The following MTRR variants were observed in gnomAD, a reference collection of about 807,000 sequenced individuals.
MTRR encodes methionine synthase reductase.
A neutral mutation model predicts 79.2 loss-of-function variants in MTRR; 63 were observed. The ratio of observed to expected loss-of-function variants is 0.80; its 90% CI spans 0.65 to 0.98. MTRR has a LOEUF of 0.98. MTRR is among the 50% of genes least tolerant of loss of function. The probability of loss-of-function intolerance (pLI) is 0.00; values close to 1 mark genes in which losing one functional copy is unlikely to be tolerated. For synonymous variants in MTRR, 355 were observed against 313.3 expected (o/e 1.13, Z -1.41); for missense variants, 895 against 839.6 (o/e 1.07, Z -0.82).
intron 12 of MTRR, among the ~76,000 whole-genome samples, chr5:7,896,053 T>C (rs967021270): frequency 6.6e-6 from 1 of 152,248 alleles, no homozygotes; most frequent in African/African-American, 2.4e-5. Context: ...CTTCCTTTTT[T>C]ACTGTGGCAC....
At chr5:7,862,713 C>A in intron 2 of MTRR, 1 of 912,430 alleles carries the variant, frequency 1.1e-6, no homozygotes, top group East Asian at 2.4e-5. Context: ...GGGAAGGGAC[C>A]ATTCCATTTT....
intron 11 of MTRR, among the ~76,000 whole-genome samples, chr5:7,895,486 T>G (rs1051718338): frequency 6.6e-6 from 1 of 152,190 alleles, no homozygotes; most frequent in Non-Finnish European, 1.5e-5. Context: ...GAGTTCTACC[T>G]CAAAGACACC....
intron 8 of MTRR, among the ~76,000 whole-genome samples, 159 bp downstream of exon 8, chr5:7,886,862 G>GT (rs1736560959): frequency 6.6e-6 from 1 of 152,118 alleles, no homozygotes. Context: ...TGCTATCATC[G>GT]TAACTATCAT....
chr5:7,885,911 TG>T lies in MTRR; in HGVS notation c.1057+59del, dbSNP rs748314831. 23 of 1,609,292 alleles carry T rather than the reference TG, an allele frequency of 1.4e-5. No homozygotes were observed. The East Asian group carries it at 3.8e-4, about 27-fold the overall frequency. ...TTGTGGGCCAGTGGACTGGAGCTGA[TG>T]GTGAGAGTGTGGCTCTAAGGTTCAG... is the stretch of plus-strand genomic sequence containing the variant. On this transcript the variant is annotated intron_variant, in intron 7 of 14. Transcript: ENST00000440940.
intron 6 of MTRR, among the ~76,000 whole-genome samples, chr5:7,884,961 T>C (rs566122971): frequency 3.9e-4 from 60 of 152,308 alleles, no homozygotes; most frequent in African/African-American, 1.3e-3. Context: ...TTTATTCTGG[T>C]ATTTTACATT....
intron 3 of MTRR, among the ~76,000 whole-genome samples, chr5:7,873,966 C>T (rs1290358540): frequency 6.6e-6 from 1 of 152,192 alleles, no homozygotes; most frequent in Admixed American, 6.5e-5. Context: ...CCCAGCTACA[C>T]ATCAGGATTA....
At chr5:7,859,541 T>A in intron 1 of MTRR, 1 of 1,574,408 alleles carries the variant, frequency 6.4e-7, no homozygotes, top group South Asian at 1.2e-5. Flanking sequence ...ATAGGGGATC[T>A]GTAAAGGTAG....
chr5:7,898,548 G>A (rs1429267357), intron 14 of MTRR, among the ~76,000 whole-genome samples: 1 of 152,208 alleles, frequency 6.6e-6, no homozygotes, highest in Non-Finnish European at 1.5e-5. Context: ...CAGGAACAAA[G>A]TAGACAGAAG....
upstream of MTRR, chr5:7,867,937 T>C: frequency 6.2e-7 from 1 of 1,614,174 alleles, no homozygotes; most frequent in Admixed American, 1.7e-5. Context: ...AAGGCTCAGG[T>C]TGTCGTGAAC....
rs1561305863 is a variant in MTRR at position 7,900,069 on chromosome 5, TA to T, written c.*14del. 6.2e-7 allele frequency: 1 copy of T among 1,613,008 alleles called. No individual in the cohort carries two copies. The highest frequency in any genetic ancestry group is 8.5e-7 in the Non-Finnish European group (1 of 1,179,784). On this transcript the variant is annotated 3_prime_UTR_variant, in exon 15 of 15. Coordinates refer to ENST00000440940, the MANE Select transcript of MTRR (RefSeq NM_002454.3). Reference sequence around the variant, plus strand: ...GATATTTGGTCATAAAACCAGAAATTAAAGAAAGAGGATTAAGCTTTTTTGA... The same window carrying T: ...GATATTTGGTCATAAAACCAGAAATTAAGAAAGAGGATTAAGCTTTTTTGA...
Position 7,875,387 on chromosome 5 carries a change from G to C in MTRR, c.401+12G>C. The C allele has an allele frequency of 6.3e-7, 1 of 1,583,898 alleles. No individual in the cohort carries two copies. The highest frequency in any genetic ancestry group is 8.7e-7 in the Non-Finnish European group (1 of 1,152,566). On this transcript the variant is annotated intron_variant, in intron 4 of 14. Coordinates refer to ENST00000440940, the MANE Select transcript of MTRR (RefSeq NM_002454.3). ...GATGACTGTGTAGGGTAAGGGCAGT[G>C]TTCTCTGTTTACTCCAATAAGCCCT...
At chr5:7,875,505 C>T in intron 4 of MTRR, 130 bp downstream of exon 4, 1 of 871,908 alleles carries the variant, frequency 1.1e-6, no homozygotes, top group Non-Finnish European at 1.9e-6. Context: ...GCTTTTTTAG[C>T]TTTAGGATCC....
upstream of MTRR, chr5:7,869,138 G>T: frequency 6.2e-7 from 1 of 1,613,420 alleles, no homozygotes; most frequent in African/African-American, 1.3e-5. Flanking sequence ...CCGAGCATGG[G>T]CGCTGCGTCA....
At chr5:7,866,533 G>C, upstream of MTRR, 1 of 781,688 alleles carries the variant, frequency 1.3e-6, no homozygotes, top group Non-Finnish European at 2.1e-6. Flanking sequence ...CTCATCTTCG[G>C]ATCACTATGG....
chr5:7,895,735 T>C lies in MTRR; in HGVS notation c.1559T>C (p.Ile520Thr). The change falls in exon 12 of 15, where the codon ATA becomes ACA. Residue 520 changes from isoleucine (I) to threonine (T), a missense_variant and splice_region_variant. Coordinates refer to ENST00000440940, the MANE Select transcript of MTRR (RefSeq NM_002454.3). Reference protein sequence around the residue: ...EDSGKALAPKISISPRTTNSF... With the variant: ...EDSGKALAPKTSISPRTTNSF... ...ACCACATTTGATGTAATATTTCAGATATCCATCTCTCCTCGAACAACAAAT... is the reference window on the plus strand; with the variant it reads ...ACCACATTTGATGTAATATTTCAGACATCCATCTCTCCTCGAACAACAAAT... The C allele has an allele frequency of 6.2e-7, 1 of 1,613,994 alleles. No individual in the cohort carries two copies. The highest frequency in any genetic ancestry group is 1.1e-5 in the South Asian group (1 of 91,080).
At chr5:7,869,739 A>G (rs950897370) in intron 1 of MTRR, 24 of 187,760 alleles carry the variant, frequency 1.3e-4, no homozygotes, top group African/African-American at 5.5e-4. Flanking sequence ...ATTGTGGGGC[A>G]GTAGCAGGGA....
At chr5:7,894,090 A>C (rs1738101040) in intron 11 of MTRR, among the ~76,000 whole-genome samples, 1 of 151,808 alleles carries the variant, frequency 6.6e-6, no homozygotes, top group Admixed American at 6.6e-5. Context: ...CCTTTCACCT[A>C]CTCCTCCTTT....
chr5:7,854,697 C>T (rs1746186298), intron 1 of MTRR, among the ~76,000 whole-genome samples: 1 of 152,158 alleles, frequency 6.6e-6, no homozygotes, highest in South Asian at 2.1e-4. Flanking sequence ...CCGGGTCTCT[C>T]CCACAACACA....
chr5:7,867,502 A>G, upstream of MTRR: 2 of 1,614,260 alleles, frequency 1.2e-6, no homozygotes, highest in Non-Finnish European at 8.5e-7. Context: ...GCAACAGGCT[A>G]CTTTGAGGAT....
Sources: allele counts gnomAD v4.1 joint callset (sites outside exome capture counted in the v4.1 genomes callset), GRCh38; gene constraint gnomAD v4.1.1; transcripts MANE v1.5; gene names NCBI Gene and HGNC (gene_info 2026-07-23, HGNC 2026-07-21).